NRXN3: variants seen among roughly 807,000 people sequenced by gnomAD.
The protein encoded by NRXN3 is neurexin III.
Under a neutral mutation model 137.6 loss-of-function variants are expected in NRXN3, and 32 were observed. The observed-to-expected ratio is 0.23, with a 90% CI of 0.18 to 0.31. The LOEUF is 0.31. Ranked by LOEUF, NRXN3 falls within the 10% of genes least tolerant of loss-of-function variation. NRXN3 has a pLI of 1.00. For missense variants in NRXN3, 1,574 were observed against 2,062.5 expected (o/e 0.76, Z 4.59); for synonymous variants, 798 against 784.5 (o/e 1.02, Z -0.29).
intron 15 of NRXN3, among the ~76,000 whole-genome samples, chr14:79,053,764 A>C (rs1015089819): frequency 1.3e-5 from 2 of 152,048 alleles, no homozygotes; most frequent in African/African-American, 4.8e-5. Flanking sequence ...GGCTCGGACA[A>C]CTTAAACAAC....
chr14:78,346,544 G>C (rs937747639), intron 4 of NRXN3, among the ~76,000 whole-genome samples: 1 of 152,180 alleles, frequency 6.6e-6, no homozygotes. Flanking sequence ...GAGGAAACAG[G>C]ATCAGGGAAG....
intron 4 of NRXN3, among the ~76,000 whole-genome samples, chr14:78,320,574 C>T (rs1210175234): frequency 1.3e-5 from 2 of 152,168 alleles, no homozygotes; most frequent in Non-Finnish European, 2.9e-5. Flanking sequence ...TCAGAGGAAT[C>T]GAAAGTGCTT....
intron 19 of NRXN3, among the ~76,000 whole-genome samples, chr14:79,791,505 G>GTAATTATAATTAATTATATATTATAA (rs1568265730): frequency 0.01 from 1,460 of 144,804 alleles, 13 homozygotes; most frequent in South Asian, 0.021. Context: ...ATTATATATT[G>GTAATTATAATTAATTATATATTATAA]TAATTATAAT....
chr14:78,859,210 A>G (rs1351935804), intron 10 of NRXN3, among the ~76,000 whole-genome samples: 1 of 151,998 alleles, frequency 6.6e-6, no homozygotes, highest in Non-Finnish European at 1.5e-5. Flanking sequence ...TTCCACCATG[A>G]TTGTAAGTTT....
At chr14:79,110,778 A>ATTTG (rs1254783517) in intron 15 of NRXN3, among the ~76,000 whole-genome samples, 17 of 147,214 alleles carry the variant, frequency 1.2e-4, no homozygotes, top group Non-Finnish European at 2.1e-4. Context: ...TTATTTATTT[A>ATTTG]TTTATTTATT....
At chr14:78,671,782 T>C (rs2097938706) in intron 6 of NRXN3, among the ~76,000 whole-genome samples, 1 of 152,206 alleles carries the variant, frequency 6.6e-6, no homozygotes, top group Non-Finnish European at 1.5e-5. Flanking sequence ...CATAATACAT[T>C]GAAAAGTCAC....
rs1373485132 is a variant in NRXN3 at position 78,295,817 on chromosome 14, C to T, written c.728-2014C>T. Among the ~76,000 whole-genome samples, 7 of 152,062 alleles carry T rather than the reference C, an allele frequency of 4.6e-5. No individual in the cohort carries two copies. The South Asian group carries it at 8.3e-4, about 18-fold the overall frequency. On this transcript the variant is annotated intron_variant, in intron 3 of 20. Transcript: ENST00000335750. ...TAAAGCGCAATGATAGAGGTTTTTA[C>T]GAGGCTTGAATCCCCTCTTACTACC...
At chr14:79,050,352 T>C (rs942344678) in intron 15 of NRXN3, among the ~76,000 whole-genome samples, 1 of 152,232 alleles carries the variant, frequency 6.6e-6, no homozygotes, top group African/African-American at 2.4e-5. Context: ...AATAATCTTC[T>C]TGTAGTCACA....
chr14:78,280,144 G>T (rs888949008), intron 3 of NRXN3, among the ~76,000 whole-genome samples: 31 of 152,074 alleles, frequency 2.0e-4, no homozygotes, highest in Admixed American at 2.0e-3. Flanking sequence ...CTAGGCCATG[G>T]GGACAAAACA....
chr14:78,796,575 G>T (rs2098822600), intron 8 of NRXN3, among the ~76,000 whole-genome samples: 2 of 152,170 alleles, frequency 1.3e-5, no homozygotes, highest in South Asian at 2.1e-4. Flanking sequence ...GCCAGAAGTC[G>T]AGTAGAGAGA....
At chr14:78,423,931 A>G (rs1004553162) in intron 4 of NRXN3, among the ~76,000 whole-genome samples, 3 of 152,216 alleles carry the variant, frequency 2.0e-5, no homozygotes, top group African/African-American at 4.8e-5. Context: ...AAATATATGA[A>G]CAAGCGTCTG....
Position 79,866,125 on chromosome 14 carries a change from A to G in NRXN3, c.*4161A>G, listed in dbSNP as rs1374516567. 1.3e-5 allele frequency: 2 copies of G among 152,182 alleles called. No homozygotes were observed. Among genetic ancestry groups the G allele is most frequent in the African/African-American group, 2.4e-5 (1 of 41,446 alleles). 9.4% of individuals were successfully genotyped at this position (152,182 alleles called of 1,614,324 possible). On this transcript the variant is annotated 3_prime_UTR_variant, in exon 21 of 21. Coordinates refer to ENST00000335750, the MANE Select transcript of NRXN3 (RefSeq NM_001330195.2). ...GCCTTTTTGTCTCTTGTATAAATCTATACAGGTCCAGTCTCTCTTTGCTCA... is the reference window on the plus strand; with the variant it reads ...GCCTTTTTGTCTCTTGTATAAATCTGTACAGGTCCAGTCTCTCTTTGCTCA...
intron 15 of NRXN3, among the ~76,000 whole-genome samples, chr14:79,255,009 G>A (rs1053654599): frequency 2.6e-5 from 4 of 152,086 alleles, no homozygotes; most frequent in Non-Finnish European, 4.4e-5. Context: ...TTGGAAGGGC[G>A]GTGTTGATTT....
At chr14:79,186,495 T>C (rs181999617) in intron 15 of NRXN3, among the ~76,000 whole-genome samples, 2 of 152,288 alleles carry the variant, frequency 1.3e-5, no homozygotes, top group East Asian at 1.9e-4. Flanking sequence ...AAACCCAAAG[T>C]TGATTTTTTC....
At chr14:78,753,790 C>G (rs189396639) in intron 8 of NRXN3, 4 of 152,278 alleles carry the variant, frequency 2.6e-5, no homozygotes, top group Non-Finnish European at 4.4e-5. Context: ...GCAATAGACT[C>G]TAGGAAGTGG....
intron 15 of NRXN3, among the ~76,000 whole-genome samples, chr14:79,309,679 C>T (rs2086847015): frequency 7.0e-6 from 1 of 143,372 alleles, no homozygotes; most frequent in Non-Finnish European, 1.5e-5. Context: ...TCTCTGATGG[C>T]CATTGATGAT....
At chr14:78,304,550 G>A (rs1046605415) in intron 4 of NRXN3, among the ~76,000 whole-genome samples, 8 of 152,246 alleles carry the variant, frequency 5.3e-5, no homozygotes, top group South Asian at 2.1e-4. Context: ...CAGGTATTTC[G>A]AAAGCCCCTG....
At chr14:78,703,529 T>TA (rs767496407) in intron 6 of NRXN3, 2 of 152,244 alleles carry the variant, frequency 1.3e-5, no homozygotes, top group Non-Finnish European at 2.9e-5. Context: ...CATTATTATC[T>TA]ATTGTCAAAG....
At chr14:78,496,872 G>A (rs986689799) in intron 4 of NRXN3, among the ~76,000 whole-genome samples, 23 of 152,034 alleles carry the variant, frequency 1.5e-4, no homozygotes, top group South Asian at 2.1e-4. Context: ...GCCCCTGAAG[G>A]ACTCCAACTT....
Sources: allele counts gnomAD v4.1 joint callset (sites outside exome capture counted in the v4.1 genomes callset), GRCh38; gene constraint gnomAD v4.1.1; transcripts MANE v1.5; gene names NCBI Gene and HGNC (gene_info 2026-07-23, HGNC 2026-07-21).